PKD1L1: variants seen among roughly 807,000 people sequenced by gnomAD.
PKD1L1 encodes polycystin 1 like 1, transient receptor potential channel interacting.
Under a neutral mutation model 323.4 loss-of-function variants are expected in PKD1L1, and 236 were observed. The ratio of observed to expected loss-of-function variants is 0.73; its 90% CI spans 0.66 to 0.81. PKD1L1 has a LOEUF of 0.81. PKD1L1 is among the 40% of genes least tolerant of loss of function. PKD1L1 has a pLI of 0.00. For synonymous variants in PKD1L1, 1,344 were observed against 1,335.0 expected (o/e 1.01, Z -0.15); for missense variants, 3,320 against 3,508.0 (o/e 0.95, Z 1.35).
chr7:47,875,296 A>G (rs1786380000), intron 23 of PKD1L1, among the ~76,000 whole-genome samples: 1 of 152,246 alleles, frequency 6.6e-6, no homozygotes, highest in African/African-American at 2.4e-5. Context: ...ATGAAGAAGA[A>G]GGAACTTCAG....
At chr7:47,783,759 G>T (rs1226819213) in intron 56 of PKD1L1, among the ~76,000 whole-genome samples, 1 of 152,180 alleles carries the variant, frequency 6.6e-6, no homozygotes, top group Non-Finnish European at 1.5e-5. Context: ...CTGACACCCT[G>T]ACCTTGGACT....
At chr7:47,816,047 C>G (rs542645379) in intron 46 of PKD1L1, among the ~76,000 whole-genome samples, 1 of 152,076 alleles carries the variant, frequency 6.6e-6, no homozygotes, top group African/African-American at 2.4e-5. Flanking sequence ...GGGAAGGTGT[C>G]GGGGCCACAG....
At chr7:47,812,397 CT>C (rs1367663376) in intron 49 of PKD1L1, among the ~76,000 whole-genome samples, 2 of 151,594 alleles carry the variant, frequency 1.3e-5, no homozygotes, top group Non-Finnish European at 2.9e-5. Flanking sequence ...ATTCATTGTT[CT>C]TTTTTTTTCT....
At chr7:47,909,076 T>C (rs1444585396) in intron 8 of PKD1L1, among the ~76,000 whole-genome samples, 1 of 152,122 alleles carries the variant, frequency 6.6e-6, no homozygotes, top group African/African-American at 2.4e-5. Flanking sequence ...GAATAAAAGG[T>C]TATGTTTTAA....
chr7:47,958,526 T>C, the PKD1L1 span, among the ~76,000 whole-genome samples: 8 of 152,290 alleles, frequency 5.3e-5, no homozygotes, highest in East Asian at 1.3e-3. Context: ...TACATTTATA[T>C]GGGCAAGAAG....
chr7:47,833,329 C>T, intron 40 of PKD1L1, 77 bp from the exon 41 acceptor site: 1 of 1,490,642 alleles, frequency 6.7e-7, no homozygotes, highest in Non-Finnish European at 9.1e-7. Flanking sequence ...AGTGGTGTGG[C>T]TTGCCGCCTT....
intron 22 of PKD1L1, among the ~76,000 whole-genome samples, chr7:47,877,060 CA>C (rs1012916181): frequency 6.6e-6 from 1 of 152,124 alleles, no homozygotes; most frequent in Non-Finnish European, 1.5e-5. Flanking sequence ...GCAACAAAAT[CA>C]CAATGGTCTT....
chr7:47,803,354 A>G lies in PKD1L1; in HGVS notation c.7828-10T>C. Reference sequence around the variant, plus strand: ...GGAGCCATCGAGCCCTCTGAGACAGAAGAACATAACAGTCAGTGTGCCATG... The same window carrying G: ...GGAGCCATCGAGCCCTCTGAGACAGGAGAACATAACAGTCAGTGTGCCATG... On this transcript the variant is annotated splice_polypyrimidine_tract_variant and intron_variant, in intron 52 of 56. Coordinates refer to ENST00000289672, the MANE Select transcript of PKD1L1 (RefSeq NM_138295.5). 6.2e-7 allele frequency: 1 copy of G among 1,613,376 alleles called. No homozygotes were observed. The highest frequency in any genetic ancestry group is 8.5e-7 in the Non-Finnish European group (1 of 1,179,884).
At chr7:47,814,866 G>T (rs1319297675) in intron 47 of PKD1L1, among the ~76,000 whole-genome samples, 1 of 152,240 alleles carries the variant, frequency 6.6e-6, no homozygotes, top group East Asian at 1.9e-4. Context: ...AGCAAGGAAT[G>T]GGATTATGCA....
At chr7:47,895,464 G>A (rs919762259) in intron 14 of PKD1L1, among the ~76,000 whole-genome samples, 1 of 152,216 alleles carries the variant, frequency 6.6e-6, no homozygotes, top group Non-Finnish European at 1.5e-5. Flanking sequence ...AGCAGGAAGT[G>A]TAGTCTCTGG....
At chr7:47,882,190 T>G (rs201659864) in intron 19 of PKD1L1, 105 bp from the exon 20 acceptor site, 163 of 556,302 alleles carry the variant, frequency 2.9e-4, no homozygotes, top group Non-Finnish European at 4.1e-4. Context: ...GTACTATTGC[T>G]GGATACCGCC....
At chr7:47,889,367 TTTAATGA>T (rs113839269) in intron 16 of PKD1L1, among the ~76,000 whole-genome samples, 7,983 of 152,246 alleles carry the variant, frequency 0.052, 535 homozygotes, top group African/African-American at 0.16. Context: ...GTTTGTTAAA[TTTAATGA>T]TTAATGATTT....
intron 7 of PKD1L1, among the ~76,000 whole-genome samples, chr7:47,919,590 T>C (rs957385776): frequency 2.0e-5 from 3 of 152,090 alleles, no homozygotes; most frequent in Non-Finnish European, 4.4e-5. Context: ...TACAGACCAA[T>C]ATCCCTAATG....
At chr7:47,791,036 T>C (rs1347287882) in intron 56 of PKD1L1, among the ~76,000 whole-genome samples, 1 of 152,180 alleles carries the variant, frequency 6.6e-6, no homozygotes, top group South Asian at 2.1e-4. Flanking sequence ...CACCCACCCA[T>C]GTTCTAGTTT....
intron 46 of PKD1L1, among the ~76,000 whole-genome samples, chr7:47,816,894 C>A (rs1159229205): frequency 6.6e-6 from 1 of 152,158 alleles, no homozygotes; most frequent in Non-Finnish European, 1.5e-5. Context: ...CAATTTTGCA[C>A]AACTCCTCCC....
At chr7:47,912,639 A>C (rs866409105) in intron 8 of PKD1L1, among the ~76,000 whole-genome samples, 8 of 151,816 alleles carry the variant, frequency 5.3e-5, no homozygotes, top group Admixed American at 2.0e-4. Flanking sequence ...TTCATGGTGA[A>C]ATGCCATCTC....
upstream of PKD1L1, among the ~76,000 whole-genome samples, chr7:47,952,202 A>G (rs1388398747): frequency 1.3e-5 from 2 of 152,236 alleles, no homozygotes; most frequent in Admixed American, 6.5e-5. Context: ...TGGTGAAAAG[A>G]AAGAAAAATT....
At chr7:47,814,396 TA>T (rs1784970443) in intron 47 of PKD1L1, among the ~76,000 whole-genome samples, 1 of 152,206 alleles carries the variant, frequency 6.6e-6, no homozygotes, top group African/African-American at 2.4e-5. Context: ...TTTTTAAATT[TA>T]AAGACAGAGA....
At chr7:47,955,483 C>T in the PKD1L1 span, among the ~76,000 whole-genome samples, 1 of 152,120 alleles carries the variant, frequency 6.6e-6, no homozygotes, top group African/African-American at 2.4e-5. Context: ...TAAATGTCAG[C>T]ATATACCTTC....
Sources: gnomAD v4.1 joint callset for allele counts (sites outside exome capture counted in the v4.1 genomes callset) on GRCh38, gnomAD v4.1.1 for gene constraint, MANE v1.5 for transcripts, NCBI Gene and HGNC (gene_info 2026-07-23, HGNC 2026-07-21) for gene names.